CTNNA2: variants seen among roughly 807,000 people sequenced by gnomAD.
The protein encoded by CTNNA2 is catenin alpha-2.
A neutral mutation model predicts 101.0 loss-of-function variants in CTNNA2; 42 were observed. The ratio of observed to expected loss-of-function variants is 0.42; its 90% CI spans 0.32 to 0.54. CTNNA2 has a LOEUF of 0.54. CTNNA2 is among the 20% of genes least tolerant of loss of function. The probability of loss-of-function intolerance (pLI) is 0.14; values close to 1 mark genes in which losing one functional copy is unlikely to be tolerated. For synonymous variants in CTNNA2, 450 were observed against 456.4 expected (o/e 0.99, Z 0.18); for missense variants, 871 against 1,223.1 (o/e 0.71, Z 4.29).
chr2:79,229,518 G>C (rs182965237), intron 2 of CTNNA2, among the ~76,000 whole-genome samples: 3 of 152,148 alleles, frequency 2.0e-5, no homozygotes. Context: ...GGAACTGTAA[G>C]TCCAATTAAA....
chr2:79,970,415 A>G (rs1007483822), intron 7 of CTNNA2, among the ~76,000 whole-genome samples: 1 of 152,136 alleles, frequency 6.6e-6, no homozygotes, highest in African/African-American at 2.4e-5. Flanking sequence ...ACATAATTCC[A>G]AATATTTCTG....
intron 7 of CTNNA2, among the ~76,000 whole-genome samples, chr2:80,238,140 C>T (rs1709643573): frequency 6.6e-6 from 1 of 152,126 alleles, no homozygotes; most frequent in Non-Finnish European, 1.5e-5. Flanking sequence ...TGTAATAGTG[C>T]ATTCTCACAA....
At chr2:79,612,311 C>T (rs926172980) in intron 1 of CTNNA2, among the ~76,000 whole-genome samples, 1 of 152,178 alleles carries the variant, frequency 6.6e-6, no homozygotes, top group African/African-American at 2.4e-5. Context: ...AAGGGGAAGC[C>T]GTTTGAATTT....
chr2:79,706,425 T>C (rs1257754447), intron 2 of CTNNA2, among the ~76,000 whole-genome samples: 1 of 150,278 alleles, frequency 6.7e-6, no homozygotes, highest in Non-Finnish European at 1.5e-5. Context: ...CTACAACAGG[T>C]TACTTGAGGG....
At chr2:79,312,562 A>G (rs923835281) in intron 2 of CTNNA2, 1 of 152,224 alleles carries the variant, frequency 6.6e-6, no homozygotes, top group Non-Finnish European at 1.5e-5. Context: ...TTGGAGTAAG[A>G]AAAATATTCC....
chr2:80,131,572 AT>A (rs1200128991), intron 7 of CTNNA2, among the ~76,000 whole-genome samples: 1 of 152,184 alleles, frequency 6.6e-6, no homozygotes, highest in Non-Finnish European at 1.5e-5. Flanking sequence ...AGGATAGAAA[AT>A]TTACTAAAGA....
At chr2:80,275,328 G>A (rs1225343784) in intron 7 of CTNNA2, among the ~76,000 whole-genome samples, 1 of 152,122 alleles carries the variant, frequency 6.6e-6, no homozygotes, top group Non-Finnish European at 1.5e-5. Flanking sequence ...ATGTTGTCAG[G>A]CTTTGAGAAA....
intron 7 of CTNNA2, among the ~76,000 whole-genome samples, chr2:80,353,632 C>T (rs544701269): frequency 1.3e-5 from 2 of 152,234 alleles, no homozygotes; most frequent in Admixed American, 6.5e-5. Flanking sequence ...CCTACCTCTG[C>T]CTCTCACATA....
chr2:80,073,391 A>G (rs955890317), intron 7 of CTNNA2, among the ~76,000 whole-genome samples: 3 of 152,166 alleles, frequency 2.0e-5, no homozygotes, highest in Middle Eastern at 3.2e-3. Context: ...TTGTGTATCT[A>G]GGTGATGTCA....
At chr2:80,464,387 GT>G (rs1370305602) in intron 9 of CTNNA2, among the ~76,000 whole-genome samples, 1 of 152,170 alleles carries the variant, frequency 6.6e-6, no homozygotes, top group African/African-American at 2.4e-5. Flanking sequence ...ACAAATTTGA[GT>G]TGTGGTCAGA....
intron 2 of CTNNA2, among the ~76,000 whole-genome samples, chr2:79,681,313 A>T (rs1265590448): frequency 6.6e-6 from 1 of 152,194 alleles, no homozygotes; most frequent in African/African-American, 2.4e-5. Context: ...ACTTTTGAAT[A>T]ACCTTCTTTT....
chr2:80,630,246 C>T (rs541606966), intron 18 of CTNNA2, among the ~76,000 whole-genome samples: 174 of 152,258 alleles, frequency 1.1e-3, no homozygotes, highest in Non-Finnish European at 2.0e-3. Context: ...TCACTTCTTA[C>T]TTTTTACAAA....
At chr2:80,588,379 A>G (rs1696152617) in intron 14 of CTNNA2, among the ~76,000 whole-genome samples, 1 of 152,178 alleles carries the variant, frequency 6.6e-6, no homozygotes, top group Non-Finnish European at 1.5e-5. Context: ...CGAGAGCTGA[A>G]AAAGGAAGGC....
intron 9 of CTNNA2, among the ~76,000 whole-genome samples, chr2:80,525,265 C>T (rs1689934665): frequency 6.6e-6 from 1 of 151,860 alleles, no homozygotes; most frequent in Non-Finnish European, 1.5e-5. Flanking sequence ...CAGGACCCCT[C>T]TCCTGCCTGG....
intron 1 of CTNNA2, among the ~76,000 whole-genome samples, chr2:79,587,136 G>A (rs574968633): frequency 1.3e-4 from 20 of 152,184 alleles, no homozygotes; most frequent in African/African-American, 3.1e-4. Flanking sequence ...ACGTGTGTGC[G>A]CGTGTGTCTT....
intron 7 of CTNNA2, among the ~76,000 whole-genome samples, chr2:79,976,505 A>G (rs1038950009): frequency 2.0e-5 from 3 of 152,158 alleles, no homozygotes; most frequent in Admixed American, 6.5e-5. Flanking sequence ...AGGCCTTTCC[A>G]TCAGTGCAAG....
chr2:79,960,111 C>T (rs987627410), intron 7 of CTNNA2, among the ~76,000 whole-genome samples: 5 of 152,112 alleles, frequency 3.3e-5, no homozygotes, highest in Non-Finnish European at 7.4e-5. Context: ...TAATATTTAG[C>T]ATCTTCATAG....
At chr2:80,167,048 C>A (rs1704744486) in intron 7 of CTNNA2, among the ~76,000 whole-genome samples, 1 of 151,858 alleles carries the variant, frequency 6.6e-6, no homozygotes, top group African/African-American at 2.4e-5. Context: ...TCTTCTTACA[C>A]TTGTTTTATA....
At chr2:79,248,102 G>A (rs894981084) in intron 2 of CTNNA2, among the ~76,000 whole-genome samples, 2 of 152,244 alleles carry the variant, frequency 1.3e-5, no homozygotes, top group South Asian at 2.1e-4. Flanking sequence ...ATTTATTTCC[G>A]ACCAGTGGGG....
Sources: gnomAD v4.1 joint callset for allele counts (sites outside exome capture counted in the v4.1 genomes callset) on GRCh38, gnomAD v4.1.1 for gene constraint, MANE v1.5 for transcripts, NCBI Gene and HGNC (gene_info 2026-07-23, HGNC 2026-07-21) for gene names.